Variants in ERC2 observed in about 807,000 individuals in gnomAD.
ERC2 encodes the protein ELKS/RAB6-interacting/CAST family member 2.
A neutral mutation model predicts 114.8 loss-of-function variants in ERC2; 42 were observed. The observed-to-expected ratio is 0.37, with a 90% CI of 0.29 to 0.47. ERC2 has a LOEUF of 0.47. ERC2 is among the 20% of genes least tolerant of loss of function. The pLI, the probability that ERC2 is intolerant of heterozygous loss-of-function variation, is 0.99. For synonymous variants in ERC2, 454 were observed against 425.5 expected (o/e 1.07, Z -0.82); for missense variants, 939 against 1,150.7 (o/e 0.82, Z 2.66).
At chr3:56,430,558 TG>T (rs1485833104) in intron 2 of ERC2, among the ~76,000 whole-genome samples, 1 of 151,978 alleles carries the variant, frequency 6.6e-6, no homozygotes, top group Non-Finnish European at 1.5e-5. Flanking sequence ...GAGGCTGAGG[TG>T]GGAGGATCAC....
chr3:55,850,657 A>C (rs936309713), intron 14 of ERC2, among the ~76,000 whole-genome samples: 25 of 152,140 alleles, frequency 1.6e-4, no homozygotes, highest in African/African-American at 5.6e-4. Context: ...CCTGAACTAG[A>C]GAATGTTGGA....
At chr3:55,569,861 A>ATTTTTTTTTTT (rs375004734) in intron 17 of ERC2, among the ~76,000 whole-genome samples, 2 of 125,230 alleles carry the variant, frequency 1.6e-5, no homozygotes, top group Non-Finnish European at 1.7e-5. Flanking sequence ...CTTCATTTCT[A>ATTTTTTTTTTT]TTTTTTTTTT....
intron 2 of ERC2, among the ~76,000 whole-genome samples, chr3:56,301,165 A>C (rs751270057): frequency 2.0e-5 from 3 of 152,222 alleles, no homozygotes; most frequent in Non-Finnish European, 4.4e-5. Context: ...CAGGCTGTAC[A>C]TTTATTAAGA....
At chr3:55,570,982 T>A (rs1264936858) in intron 17 of ERC2, among the ~76,000 whole-genome samples, 1 of 151,962 alleles carries the variant, frequency 6.6e-6, no homozygotes, top group Non-Finnish European at 1.5e-5. Flanking sequence ...AAAAATTAGC[T>A]GGGCATGGTT....
intron 7 of ERC2, among the ~76,000 whole-genome samples, chr3:56,033,337 T>C (rs1429995550): frequency 6.6e-6 from 1 of 152,198 alleles, no homozygotes; most frequent in Non-Finnish European, 1.5e-5. Context: ...GAGTAAAAAG[T>C]CATTTATGTT....
intron 17 of ERC2, among the ~76,000 whole-genome samples, chr3:55,553,835 T>A (rs1241580809): frequency 6.6e-6 from 1 of 152,120 alleles, no homozygotes; most frequent in African/African-American, 2.4e-5. Flanking sequence ...AGCATCGGCA[T>A]CATTCAAGTC....
chr3:56,044,750 C>T (rs1055066745), intron 7 of ERC2, among the ~76,000 whole-genome samples: 5 of 152,138 alleles, frequency 3.3e-5, no homozygotes, highest in African/African-American at 4.8e-5. Context: ...AGGATTAGGA[C>T]GCGGTTCATT....
chr3:55,624,363 C>T (rs1023126507), intron 17 of ERC2, among the ~76,000 whole-genome samples: 2 of 152,156 alleles, frequency 1.3e-5, no homozygotes, highest in African/African-American at 4.8e-5. Context: ...TAAAGAGGAA[C>T]TGACAATGTG....
At chr3:55,942,011 A>G (rs1252032706) in intron 13 of ERC2, among the ~76,000 whole-genome samples, 1 of 152,162 alleles carries the variant, frequency 6.6e-6, no homozygotes, top group African/African-American at 2.4e-5. Context: ...CTAATACCCA[A>G]TGCTGAGGGG....
intron 16 of ERC2, among the ~76,000 whole-genome samples, chr3:55,684,716 G>A (rs1255550302): frequency 2.0e-5 from 3 of 152,162 alleles, no homozygotes; most frequent in Admixed American, 6.5e-5. Flanking sequence ...GGCTAATATA[G>A]AGGGAAATGG....
intron 2 of ERC2, among the ~76,000 whole-genome samples, chr3:56,367,946 A>T (rs1196414682): frequency 9.8e-4 from 6 of 6,106 alleles, no homozygotes; most frequent in Non-Finnish European, 1.4e-3. Flanking sequence ...ATCTCTCTTT[A>T]AAAAAAAAAA....
intron 15 of ERC2, among the ~76,000 whole-genome samples, chr3:55,706,783 A>AT (rs1559527116): frequency 2.0e-5 from 3 of 152,170 alleles, no homozygotes; most frequent in Admixed American, 2.0e-4. Flanking sequence ...CCTGCACTTA[A>AT]TTTTTGCACA....
intron 17 of ERC2, among the ~76,000 whole-genome samples, chr3:55,548,771 A>G (rs912569917): frequency 2.6e-5 from 4 of 152,146 alleles, no homozygotes; most frequent in African/African-American, 9.7e-5. Context: ...CACTGTTCAC[A>G]TGGGTACCAG....
chr3:56,427,275 G>T (rs1296159392), intron 2 of ERC2, among the ~76,000 whole-genome samples: 1 of 152,090 alleles, frequency 6.6e-6, no homozygotes, highest in Admixed American at 6.5e-5. Flanking sequence ...TTGGTTGGTT[G>T]GTTGGTTAGT....
intron 17 of ERC2, among the ~76,000 whole-genome samples, chr3:55,609,679 T>G (rs1186466084): frequency 6.6e-6 from 1 of 152,074 alleles, no homozygotes; most frequent in Non-Finnish European, 1.5e-5. Context: ...CAATCCACTG[T>G]GGCTCCGAGG....
chr3:56,047,755 T>G (rs2075548685), intron 7 of ERC2, among the ~76,000 whole-genome samples: 1 of 152,190 alleles, frequency 6.6e-6, no homozygotes, highest in Non-Finnish European at 1.5e-5. Flanking sequence ...TATGCTTACA[T>G]TTCCACAGGC....
At chr3:56,180,888 C>T (rs538904593) in intron 3 of ERC2, among the ~76,000 whole-genome samples, 85 of 152,194 alleles carry the variant, frequency 5.6e-4, no homozygotes, top group Non-Finnish European at 1.1e-3. Context: ...TCTATCCTTT[C>T]GGAGAGTAAC....
At chr3:56,457,074 A>T (rs1355642207) in intron 1 of ERC2, among the ~76,000 whole-genome samples, 2 of 152,256 alleles carry the variant, frequency 1.3e-5, no homozygotes, top group Non-Finnish European at 2.9e-5. Context: ...GAACTTTCTC[A>T]GACCCCTTTC....
At chr3:56,405,434 G>GAA (rs765967718) in intron 2 of ERC2, among the ~76,000 whole-genome samples, 9 of 143,218 alleles carry the variant, frequency 6.3e-5, no homozygotes, top group Non-Finnish European at 1.2e-4. Flanking sequence ...CTCAAAAAAG[G>GAA]AAAAAAAAAA....
Sources: allele counts gnomAD v4.1 joint callset (sites outside exome capture counted in the v4.1 genomes callset), GRCh38; gene constraint gnomAD v4.1.1; transcripts MANE v1.5; gene names NCBI Gene and HGNC (gene_info 2026-07-23, HGNC 2026-07-21).